MAP2K5: variants seen among roughly 807,000 people sequenced by gnomAD.
MAP2K5 encodes the protein mitogen-activated protein kinase kinase 5, also known as dual specificity mitogen-activated protein kinase kinase 5.
In MAP2K5, 49 loss-of-function variants were observed where a neutral mutation model predicts 83.1. That is an observed-to-expected ratio of 0.59 (90% CI 0.47 to 0.75). The LOEUF (loss-of-function observed/expected upper bound fraction) is 0.75, where lower values mean the gene tolerates loss of function less well. MAP2K5 is among the 30% of genes least tolerant of loss of function. The probability of loss-of-function intolerance (pLI) is 0.00; values close to 1 mark genes in which losing one functional copy is unlikely to be tolerated. For missense variants in MAP2K5, 457 were observed against 557.5 expected (o/e 0.82, Z 1.82); for synonymous variants, 202 against 191.8 (o/e 1.05, Z -0.44).
At chr15:67,751,033 G>A (rs1268504423) in intron 19 of MAP2K5, among the ~76,000 whole-genome samples, 7 of 152,028 alleles carry the variant, frequency 4.6e-5, no homozygotes, top group Non-Finnish European at 8.8e-5. Context: ...AACCTGTTAT[G>A]GCCTGGCAAA....
At chr15:67,623,122 A>G (rs1033590822) in intron 8 of MAP2K5, among the ~76,000 whole-genome samples, 25 of 152,192 alleles carry the variant, frequency 1.6e-4, no homozygotes, top group Admixed American at 1.6e-3. Flanking sequence ...AAAGCATATT[A>G]AAGGGAGGTA....
intron 17 of MAP2K5, among the ~76,000 whole-genome samples, chr15:67,729,458 G>A (rs1406011620): frequency 6.6e-6 from 1 of 152,114 alleles, no homozygotes; most frequent in Non-Finnish European, 1.5e-5. Flanking sequence ...AGATTTGATG[G>A]GTGATGAGTC....
chr15:67,709,704 G>A (rs2088642712), intron 16 of MAP2K5, among the ~76,000 whole-genome samples: 1 of 152,188 alleles, frequency 6.6e-6, no homozygotes, highest in East Asian at 1.9e-4. Context: ...TTATATTCTT[G>A]TGTCATTTGA....
intron 2 of MAP2K5, among the ~76,000 whole-genome samples, chr15:67,554,979 G>T (rs9652480): frequency 6.6e-6 from 1 of 151,970 alleles, no homozygotes; most frequent in Non-Finnish European, 1.5e-5. Context: ...GACCCAAGGG[G>T]GTCAAACCTG....
chr15:67,757,809 G>A lies in MAP2K5; in HGVS notation c.1134+9208G>A, dbSNP rs1283956909. Among the ~76,000 whole-genome samples the A allele has an allele frequency of 6.6e-6, 1 of 152,064 alleles. No individual in the cohort carries two copies. Among genetic ancestry groups the A allele is most frequent in the Admixed American group, 6.6e-5 (1 of 15,256 alleles). ...GATATGGTATTTAATGATGTTTGTA[G>A]CCATATAAATTCTATAATTAAAGTG... On this transcript the variant is annotated intron_variant, in intron 19 of 21. Transcript: ENST00000178640. The surrounding 1 kb of genome is among the most constrained non-coding windows in gnomAD (Gnocchi z 4.9).
At chr15:67,741,027 C>CAAAAA (rs34516294) in intron 17 of MAP2K5, among the ~76,000 whole-genome samples, 1 of 63,112 alleles carries the variant, frequency 1.6e-5, no homozygotes. Context: ...GACTCCGTCT[C>CAAAAA]AAAAAAAAAA....
At chr15:67,718,216 G>A (rs2088871426) in intron 16 of MAP2K5, 1 of 152,094 alleles carries the variant, frequency 6.6e-6, no homozygotes, top group African/African-American at 2.4e-5. Flanking sequence ...CTAGACCCCA[G>A]CCCTGATGTT....
rs780256992 is a variant in MAP2K5, at chr15:67,637,636, C to T, written c.585+6709C>T. On this transcript the variant is annotated intron_variant, in intron 9 of 21. Transcript: ENST00000178640. The surrounding 1 kb of genome is among the most constrained non-coding windows in gnomAD (Gnocchi z 4.5). Reference sequence around the variant, plus strand: ...ATTACTCAGCTGAAGACTCCAGGACCCCCTCGGCAGACCTCTGGAGCTCTC... The same window carrying T: ...ATTACTCAGCTGAAGACTCCAGGACTCCCTCGGCAGACCTCTGGAGCTCTC... Among the ~76,000 whole-genome samples, 5 of 152,092 alleles carry T rather than the reference C, an allele frequency of 3.3e-5. No individual in the cohort carries two copies. The highest frequency in any genetic ancestry group is 4.8e-5 in the African/African-American group (2 of 41,404).
chr15:67,783,265 A>G lies in MAP2K5; in HGVS notation c.1242+10513A>G, dbSNP rs1263816128. On this transcript the variant is annotated intron_variant, in intron 21 of 21. Transcript: ENST00000178640. The surrounding 1 kb of genome is among the most constrained non-coding windows in gnomAD (Gnocchi z 5.1). ...AAGGTGAGGGTAGACACAGCCAAGCACAGGATAGAATGTGAGAATTGCCAG... is the reference window on the plus strand; with the variant it reads ...AAGGTGAGGGTAGACACAGCCAAGCGCAGGATAGAATGTGAGAATTGCCAG... 6.6e-6 allele frequency among the ~76,000 whole-genome samples: 1 copy of G among 152,160 alleles called. No individual in the cohort carries two copies.
intron 21 of MAP2K5, among the ~76,000 whole-genome samples, chr15:67,789,082 A>G (rs1408714363): frequency 6.6e-6 from 1 of 152,022 alleles, no homozygotes; most frequent in Non-Finnish European, 1.5e-5. Context: ...AGCATTGTTA[A>G]TAGTAGCTTG....
At position 67,793,258 on chromosome 15, in the gene MAP2K5, G is replaced by T. The variant is rs893316042; in HGVS notation, c.1243-13388G>T. Among the ~76,000 whole-genome samples, 4 of 151,978 alleles carry T rather than the reference G, an allele frequency of 2.6e-5. No homozygotes were observed. The highest frequency in any genetic ancestry group is 5.9e-5 in the Non-Finnish European group (4 of 68,006). ...TGAATAGCCACTGTGCTCCAGTCAG[G>T]GCAACACTGTGAGACCTCATCTCTA... On this transcript the variant is annotated intron_variant, in intron 21 of 21. Transcript: ENST00000178640. The surrounding 1 kb of genome is among the most constrained non-coding windows in gnomAD (Gnocchi z 4.6).
intron 11 of MAP2K5, among the ~76,000 whole-genome samples, chr15:67,653,001 G>A (rs1031414356): frequency 1.8e-4 from 28 of 152,056 alleles, no homozygotes; most frequent in Non-Finnish European, 4.1e-4. Flanking sequence ...TTTGTGATTA[G>A]TTTTTTTATT....
intron 19 of MAP2K5, among the ~76,000 whole-genome samples, chr15:67,752,160 G>T (rs1388548199): frequency 6.6e-6 from 1 of 151,930 alleles, no homozygotes; most frequent in African/African-American, 2.4e-5. Context: ...CTGCCTTCTG[G>T]GTTCAAGCGA....
intron 12 of MAP2K5, among the ~76,000 whole-genome samples, chr15:67,661,456 A>G (rs2087237002): frequency 6.6e-6 from 1 of 152,102 alleles, no homozygotes; most frequent in African/African-American, 2.4e-5. Context: ...AGGCTTTGTC[A>G]AGTCATCGTT....
Position 67,748,177 on chromosome 15 carries a change from T to C in MAP2K5, c.1075-54T>C. On this transcript the variant is annotated intron_variant, in intron 17 of 21. Coordinates refer to ENST00000178640, the MANE Select transcript of MAP2K5 (RefSeq NM_145160.3). The surrounding 1 kb of genome is among the most constrained non-coding windows in gnomAD (Gnocchi z 4.0). ...ATTTTCTCTCAGTGATCATAATGTGTCCAAGTGAGTCATTTTGATTATGAC... is the reference window on the plus strand; with the variant it reads ...ATTTTCTCTCAGTGATCATAATGTGCCCAAGTGAGTCATTTTGATTATGAC... 7.5e-7 allele frequency: 1 copy of C among 1,333,368 alleles called. No individual in the cohort carries two copies. Among genetic ancestry groups the C allele is most frequent in the Admixed American group, 1.7e-5 (1 of 58,466 alleles). 82.6% of individuals were successfully genotyped at this position (1,333,368 alleles called of 1,614,324 possible). A position where few individuals can be genotyped will look rare whatever the true frequency, so the allele number is the denominator to read the frequency against.
Position 67,550,057 on chromosome 15 carries a change from T to A in MAP2K5, c.159T>A (p.Pro53=). Residue 53 remains proline, a synonymous_variant, in exon 2 of 22, where the codon CCT becomes CCA. Transcript: ENST00000178640. ...DVLDVIGQVL[P]EATTTAFEYE... ...AGGATGTGATAGGCCAGGTTCTGCCTGAAGCAACAACTACAGCATTTGAAT... is the reference window on the plus strand; with the variant it reads ...AGGATGTGATAGGCCAGGTTCTGCCAGAAGCAACAACTACAGCATTTGAAT... 1 of 1,613,770 alleles carries A rather than the reference T, an allele frequency of 6.2e-7. No individual in the cohort carries two copies. Among genetic ancestry groups the A allele is most frequent in the Non-Finnish European group, 8.5e-7 (1 of 1,179,714 alleles).
At chr15:67,564,074 A>G (rs2084793596) in intron 3 of MAP2K5, among the ~76,000 whole-genome samples, 1 of 152,138 alleles carries the variant, frequency 6.6e-6, no homozygotes, top group Admixed American at 6.5e-5. Context: ...GTTATATCTG[A>G]GTCTGTAATC....
chr15:67,632,784 C>A (rs2086504828), intron 9 of MAP2K5, among the ~76,000 whole-genome samples: 1 of 152,164 alleles, frequency 6.6e-6, no homozygotes, highest in East Asian at 1.9e-4. Flanking sequence ...ATTGCTTATA[C>A]CTTTTAGTAA....
At chr15:67,566,910 C>T (rs1428091710) in intron 3 of MAP2K5, among the ~76,000 whole-genome samples, 3 of 152,078 alleles carry the variant, frequency 2.0e-5, no homozygotes, top group Admixed American at 6.6e-5. Context: ...ACATGTGACA[C>T]GTGGAATATT....
Sources: allele counts gnomAD v4.1 joint callset (sites outside exome capture counted in the v4.1 genomes callset), GRCh38; gene constraint gnomAD v4.1.1; non-coding constraint Gnocchi (gnomAD v3.1); transcripts MANE v1.5; gene names NCBI Gene and HGNC (gene_info 2026-07-23, HGNC 2026-07-21).